The following PRSS21 variants were observed in gnomAD, a reference collection of about 807,000 sequenced individuals.
The protein encoded by PRSS21 is serine protease 21.
PRSS21 carries 40 observed loss-of-function variants against 31.1 expected under a neutral mutation model. That is an observed-to-expected ratio of 1.29 (90% CI 1.00 to 1.68). The LOEUF is 1.68. Among genes scored for constraint, PRSS21 ranks in the 40% most tolerant of loss-of-function variants. The probability of loss-of-function intolerance (pLI) is 0.00; values close to 1 mark genes in which losing one functional copy is unlikely to be tolerated. For synonymous variants in PRSS21, 186 were observed against 167.7 expected (o/e 1.11, Z -0.84); for missense variants, 467 against 412.6 (o/e 1.13, Z -1.14).
In PRSS21 at chr16:2,817,712, T is replaced by C; in HGVS notation, c.92-89T>C. On this transcript the variant is annotated intron_variant, in intron 2 of 5. Coordinates refer to ENST00000005995, the MANE Select transcript of PRSS21 (RefSeq NM_006799.4). This position sits in a 1 kb window ranked among gnomAD's most constrained non-coding sequence, Gnocchi z 4.2. ...GGACCCTGGGTGGGCAAAAACGTGC[T>C]TTCCCGGACGGGGTTGAAGGGGAGA... The C allele has an allele frequency of 6.7e-7, 1 of 1,484,150 alleles. No individual in the cohort carries two copies. Among genetic ancestry groups the C allele is most frequent in the Non-Finnish European group, 9.0e-7 (1 of 1,110,438 alleles). 91.9% of individuals were successfully genotyped at this position (1,484,150 alleles called of 1,614,324 possible).
Position 2,817,918 on chromosome 16 carries a change from G to A in PRSS21, c.209G>A (p.Ser70Asn). Residue 70 changes from serine to asparagine, a missense_variant, in exon 3 of 6, where the codon AGC becomes AAC. Transcript: ENST00000005995. This position sits in a 1 kb window ranked among gnomAD's most constrained non-coding sequence, Gnocchi z 4.2. ...TGGGATTCCCACGTATGCGGAGTGA[G>A]CCTGCTCAGCCACCGCTGGGCACTC... ...RLWDSHVCGV[S>N]LLSHRWALTA... The A allele has an allele frequency of 6.5e-7, 1 of 1,549,446 alleles. No individual in the cohort carries two copies. The highest frequency in any genetic ancestry group is 8.7e-7 in the Non-Finnish European group (1 of 1,146,896).
rs765644948 is a variant in PRSS21 at position 2,817,341 on chromosome 16, G to C, written c.64+9G>C. ...TGGACTCAGGAAGCCGGGTGAGCTC[G>C]GGGCGCTGCTGGCGGGATGGGGAGG... On this transcript the variant is annotated intron_variant, in intron 1 of 5. Coordinates refer to ENST00000005995, the MANE Select transcript of PRSS21 (RefSeq NM_006799.4). This position sits in a 1 kb window ranked among gnomAD's most constrained non-coding sequence, Gnocchi z 4.2. The C allele has an allele frequency of 1.9e-5, 30 of 1,561,432 alleles. No individual in the cohort carries two copies. In the Admixed American group the frequency reaches 3.3e-4, roughly 17 times the overall value.
chr16:2,819,058 G>C, intron 4 of PRSS21, 89 bp downstream of exon 4: 1 of 1,461,846 alleles, frequency 6.8e-7, no homozygotes. Context: ...CTTGGTCTGG[G>C]GGTGCAGGCT....
Position 2,821,464 on chromosome 16 carries a change from C to T in PRSS21, c.804C>T (p.Pro268=), listed in dbSNP as rs761243117. ...TGGGCTGTGGTCGGCCCAATCGGCC[C>T]GGTGTCTACACCAATATCAGCCACC... The part of the protein sequence containing the change: ...WGVGCGRPNR[P]GVYTNISHHF... Residue 268 remains proline, a synonymous_variant, in exon 6 of 6, where the codon CCC becomes CCT. Transcript: ENST00000005995. The T allele has an allele frequency of 1.3e-5, 21 of 1,614,108 alleles. No individual in the cohort carries two copies. Among genetic ancestry groups the T allele is most frequent in the African/African-American group, 4.0e-5 (3 of 74,938 alleles).
At chr16:2,820,131 C>T (rs147323619) in intron 4 of PRSS21, among the ~76,000 whole-genome samples, 22 of 152,308 alleles carry the variant, frequency 1.4e-4, no homozygotes, top group Non-Finnish European at 2.4e-4. Context: ...CTGGTGTGCA[C>T]CTTTGCTGTG....
chr16:2,821,520 A>G lies in PRSS21; in HGVS notation c.860A>G (p.Gln287Arg). Residue 287 changes from glutamine to arginine, a missense_variant, in exon 6 of 6, where the codon CAG becomes CGG. Transcript: ENST00000005995. ...GAGTGGATCCAGAAGCTGATGGCCC[A>G]GAGTGGCATGTCCCAGCCAGACCCC... Reference protein sequence around the residue: ...HFEWIQKLMAQSGMSQPDPSW... With the variant: ...HFEWIQKLMARSGMSQPDPSW... 3 of 1,614,244 alleles carry G rather than the reference A, an allele frequency of 1.9e-6. No individual in the cohort carries two copies. Among genetic ancestry groups the G allele is most frequent in the South Asian group, 1.1e-5 (1 of 91,090 alleles).
chr16:2,817,857 C>G lies in PRSS21; in HGVS notation c.148C>G (p.Leu50Val), dbSNP rs781057241. The G allele has an allele frequency of 1.3e-6, 2 of 1,550,702 alleles. No homozygotes were observed. The highest frequency in any genetic ancestry group is 2.4e-5 in the South Asian group (2 of 84,106). Residue 50 changes from leucine (L) to valine (V), a missense_variant, in exon 3 of 6, where the codon CTC (leucine) becomes GTC (valine). Transcript: ENST00000005995. This position sits in a 1 kb window ranked among gnomAD's most constrained non-coding sequence, Gnocchi z 4.2. ...SRIVGGEDAE[L>V]GRWPWQGSLR... ...CATCGTGGGTGGAGAGGACGCCGAA[C>G]TCGGGCGTTGGCCGTGGCAGGGGAG...
At position 2,817,866 on chromosome 16, in the gene PRSS21, T is replaced by C. The variant is rs1478434201; in HGVS notation, c.157T>C (p.Trp53Arg). Residue 53 changes from tryptophan to arginine, a missense_variant, in exon 3 of 6, where the codon TGG (tryptophan) becomes CGG (arginine). By Grantham distance (101) the Trp-to-Arg change is moderately radical. Transcript: ENST00000005995. This position sits in a 1 kb window ranked among gnomAD's most constrained non-coding sequence, Gnocchi z 4.2. ...TGGAGAGGACGCCGAACTCGGGCGT[T>C]GGCCGTGGCAGGGGAGCCTGCGCCT... is the stretch of plus-strand genomic sequence containing the variant. ...VGGEDAELGRWPWQGSLRLWD... is the reference protein window; with the variant it reads ...VGGEDAELGRRPWQGSLRLWD... 1 of 1,550,340 alleles carries C rather than the reference T, an allele frequency of 6.5e-7. No homozygotes were observed. Among genetic ancestry groups the C allele is most frequent in the Non-Finnish European group, 8.7e-7 (1 of 1,147,196 alleles).
intron 4 of PRSS21, 102 bp downstream of exon 4, chr16:2,819,071 G>A: frequency 7.5e-7 from 1 of 1,329,806 alleles, no homozygotes; most frequent in Admixed American, 2.1e-5. Flanking sequence ...TGCAGGCTAT[G>A]CCCCTCTTGC....
At chr16:2,819,087 G>A in intron 4 of PRSS21, 118 bp downstream of exon 4, 1 of 1,169,320 alleles carries the variant, frequency 8.6e-7, no homozygotes, top group Admixed American at 2.3e-5. Flanking sequence ...CTTGCTTGCA[G>A]TCTCTCCTCA....
rs1178149138 is a variant in PRSS21, at chr16:2,818,776, C to T, written c.357C>T (p.Tyr119=). ...GCCTGCAGGCCTACTACACCCGTTACTTCGTATCGAATATCTATCTGAGCC... is the reference window on the plus strand; with the variant it reads ...GCCTGCAGGCCTACTACACCCGTTATTTCGTATCGAATATCTATCTGAGCC... The part of the protein sequence containing the change: ...FWSLQAYYTR[Y]FVSNIYLSPR... The change falls in exon 4 of 6, where the codon TAC becomes TAT. Residue 119 remains tyrosine, a synonymous_variant. Transcript: ENST00000005995. The T allele has an allele frequency of 6.8e-6, 11 of 1,613,666 alleles. No individual in the cohort carries two copies. The highest frequency in any genetic ancestry group is 3.3e-5 in the Admixed American group (2 of 60,024).
At chr16:2,820,476 T>C (rs1486469192) in intron 4 of PRSS21, among the ~76,000 whole-genome samples, 3 of 152,026 alleles carry the variant, frequency 2.0e-5, no homozygotes, top group African/African-American at 7.3e-5. Flanking sequence ...TGGGAGTAGG[T>C]CCTGATGACT....
In PRSS21 at chr16:2,817,681, G is replaced by A; in HGVS notation, c.92-120G>A. ...GTCACCTACTTCCTGCTGCACACAC[G>A]CGAGGGGACCCTGGGTGGGCAAAAA... On this transcript the variant is annotated intron_variant, in intron 2 of 5. Transcript: ENST00000005995. This position sits in a 1 kb window ranked among gnomAD's most constrained non-coding sequence, Gnocchi z 4.2. 1 of 1,365,644 alleles carries A rather than the reference G, an allele frequency of 7.3e-7. No homozygotes were observed. Among genetic ancestry groups the A allele is most frequent in the Non-Finnish European group, 9.9e-7 (1 of 1,010,954 alleles). 84.6% of individuals were successfully genotyped at this position (1,365,644 alleles called of 1,614,324 possible). A position where few individuals can be genotyped will look rare whatever the true frequency, so the allele number is the denominator to read the frequency against.
intron 3 of PRSS21, 81 bp from the exon 4 acceptor site, chr16:2,818,596 C>T: frequency 7.2e-7 from 1 of 1,398,326 alleles, no homozygotes; most frequent in Non-Finnish European, 9.9e-7. Flanking sequence ...CACAGTTTCC[C>T]CTCCTGCACT....
chr16:2,818,825 T>C lies in PRSS21; in HGVS notation c.406T>C (p.Tyr136His), dbSNP rs200168204. ...LSPRYLGNSP[Y>H]DIALVKLSAP... ...CCCTCGCTACCTGGGGAATTCACCC[T>C]ATGACATTGCCTTGGTGAAGCTGTC... The change falls in exon 4 of 6, where the codon TAT becomes CAT. Residue 136 changes from tyrosine (Y) to histidine (H), a missense_variant. Transcript: ENST00000005995. The C allele has an allele frequency of 6.2e-7, 1 of 1,613,826 alleles. No individual in the cohort carries two copies. The highest frequency in any genetic ancestry group is 2.2e-5 in the East Asian group (1 of 44,890).
intron 4 of PRSS21, 102 bp from the exon 5 acceptor site, chr16:2,820,853 C>G: frequency 8.1e-7 from 1 of 1,239,986 alleles, no homozygotes; most frequent in Non-Finnish European, 1.1e-6. Context: ...ACCTGCCAGG[C>G]ACAGTGGGTG....
At chr16:2,820,724 T>G (rs1390424637) in intron 4 of PRSS21, among the ~76,000 whole-genome samples, 1 of 152,122 alleles carries the variant, frequency 6.6e-6, no homozygotes, top group Non-Finnish European at 1.5e-5. Flanking sequence ...ATTCTACAGA[T>G]AGGGAAAGTG....
Position 2,821,454 on chromosome 16 carries a change from C to T in PRSS21, c.794C>T (p.Pro265Leu). ...AGCTGGGGAGTGGGCTGTGGTCGGC[C>T]CAATCGGCCCGGTGTCTACACCAAT... ...VVSWGVGCGRPNRPGVYTNIS... is the reference protein window; with the variant it reads ...VVSWGVGCGRLNRPGVYTNIS... Residue 265 changes from proline (P) to leucine (L), a missense_variant, in exon 6 of 6, where the codon CCC (proline) becomes CTC (leucine). Coordinates refer to ENST00000005995, the MANE Select transcript of PRSS21 (RefSeq NM_006799.4). The T allele has an allele frequency of 1.9e-6, 3 of 1,614,224 alleles. No homozygotes were observed. The highest frequency in any genetic ancestry group is 2.5e-6 in the Non-Finnish European group (3 of 1,180,026).
Position 2,817,410 on chromosome 16 carries a change from T to C in PRSS21, c.65-20T>C. 6.3e-7 allele frequency: 1 copy of C among 1,590,690 alleles called. No individual in the cohort carries two copies. Reference sequence around the variant, plus strand: ...GACGGGAGGTGGAGGCCGCGGGGAGTCACTTCTTGTCTCCCGCAGAGTCGC... The same window carrying C: ...GACGGGAGGTGGAGGCCGCGGGGAGCCACTTCTTGTCTCCCGCAGAGTCGC... On this transcript the variant is annotated intron_variant, in intron 1 of 5. Coordinates refer to ENST00000005995, the MANE Select transcript of PRSS21 (RefSeq NM_006799.4). The surrounding 1 kb of genome is among the most constrained non-coding windows in gnomAD (Gnocchi z 4.2).
Sources: allele counts gnomAD v4.1 joint callset (sites outside exome capture counted in the v4.1 genomes callset), GRCh38; gene constraint gnomAD v4.1.1; non-coding constraint Gnocchi (gnomAD v3.1); transcripts MANE v1.5; gene names NCBI Gene and HGNC (gene_info 2026-07-23, HGNC 2026-07-21).